Variants in TCEA2 observed in about 807,000 individuals in gnomAD.
The protein encoded by TCEA2 is transcription elongation factor A protein 2.
Under a neutral mutation model 40.8 loss-of-function variants are expected in TCEA2, and 21 were observed. The observed-to-expected ratio is 0.51, with a 90% CI of 0.36 to 0.74. TCEA2 has a LOEUF of 0.74. Ranked by LOEUF, TCEA2 falls within the 30% of genes least tolerant of loss-of-function variation. The pLI is 0.00. For synonymous variants in TCEA2, 165 were observed against 162.7 expected, an observed-to-expected ratio of 1.01 and a Z score of -0.11; for missense variants, 326 against 426.5, an observed-to-expected ratio of 0.76 and a Z score of 2.08.
chr20:64,066,334 T>G (rs2059693018), intron 1 of TCEA2, 142 bp from the exon 2 acceptor site: 8 of 938,576 alleles, frequency 8.5e-6, no homozygotes, highest in East Asian at 2.5e-5. Flanking sequence ...TGTCTCCAGG[T>G]AGAGGAATTT....
upstream of TCEA2, among the ~76,000 whole-genome samples, chr20:64,061,841 G>A (rs889514854): frequency 6.6e-6 from 1 of 151,988 alleles, no homozygotes; most frequent in Non-Finnish European, 1.5e-5. Context: ...CAATTCTCCT[G>A]CCTTAGCCTC....
intron 1 of TCEA2, among the ~76,000 whole-genome samples, chr20:64,064,644 G>A (rs1423606585): frequency 6.6e-6 from 1 of 152,220 alleles, no homozygotes; most frequent in Non-Finnish European, 1.5e-5. Flanking sequence ...TGTGACTGCA[G>A]TGGGGGTTTG....
Position 64,070,240 on chromosome 20 carries a change from G to C in TCEA2, c.518-20G>C. ...AGGGCAGCGACGTTGTCCTCAGGTG[G>C]GTCCTTAAAACACTTGCACGCATCT... is the stretch of plus-strand genomic sequence containing the variant. On this transcript the variant is annotated intron_variant, in intron 6 of 9. Transcript: ENST00000343484. 1.9e-6 allele frequency: 3 copies of C among 1,613,242 alleles called. No homozygotes were observed. The highest frequency in any genetic ancestry group is 2.5e-6 in the Non-Finnish European group (3 of 1,179,436).
intron 5 of TCEA2, 73 bp from the exon 6 acceptor site, chr20:64,069,692 G>T: frequency 6.4e-7 from 1 of 1,565,358 alleles, no homozygotes; most frequent in Non-Finnish European, 8.7e-7. Flanking sequence ...AAGCTGCCAG[G>T]GTGTTTTGCA....
chr20:64,069,446 C>T lies in TCEA2; in HGVS notation c.415C>T (p.Arg139Cys), dbSNP rs1170302218. The T allele has an allele frequency of 5.6e-6, 9 of 1,613,442 alleles. No individual in the cohort carries two copies. The highest frequency in any genetic ancestry group is 1.3e-5 in the African/African-American group (1 of 75,058). Reference sequence around the variant, plus strand: ...GGTGCCTGTCACCTGTGATGCCGTGCGCAACAAGTGCCGCGAGATGCTGAC... The same window carrying T: ...GGTGCCTGTCACCTGTGATGCCGTGTGCAACAAGTGCCGCGAGATGCTGAC... ...PPVPVTCDAV[R>C]NKCREMLTAA... The change falls in exon 5 of 10, where the codon CGC (arginine) becomes TGC (cysteine). Residue 139 changes from arginine to cysteine, a missense_variant. By Grantham distance (180) the Arg-to-Cys change is radical (BLOSUM62 -3). Transcript: ENST00000343484.
intron 3 of TCEA2, 43 bp from the exon 4 acceptor site, chr20:64,068,004 C>T (rs1372363461): frequency 2.0e-6 from 3 of 1,509,422 alleles, no homozygotes; most frequent in Non-Finnish European, 2.7e-6. Context: ...CCCCTCCCTC[C>T]TCTGCCTCCC....
In TCEA2 at chr20:64,066,479, G is replaced by A. The variant is rs865820316; in HGVS notation, c.76G>A (p.Gly26Arg). 6.2e-7 allele frequency: 1 copy of A among 1,613,852 alleles called. No individual in the cohort carries two copies. The highest frequency in any genetic ancestry group is 8.5e-7 in the Non-Finnish European group (1 of 1,179,840). ...DKMVTKKSAE[G>R]AMDLLRELKA... ...AAGGTCCTCCTTCTCCTTCCAGGAG[G>A]GAGCCATGGATTTGCTGCGGGAGCT... Residue 26 changes from glycine to arginine, a missense_variant, in exon 2 of 10, where the codon GGA (glycine) becomes AGA (arginine). Coordinates refer to ENST00000343484, the MANE Select transcript of TCEA2 (RefSeq NM_003195.6).
intron 3 of TCEA2, among the ~76,000 whole-genome samples, chr20:64,067,263 G>A (rs1166104291): frequency 6.6e-6 from 1 of 152,248 alleles, no homozygotes; most frequent in East Asian, 1.9e-4. Flanking sequence ...TGGGGGCAGG[G>A]TTCCAGGTAG....
chr20:64,056,406 G>A (rs2059473797), upstream of TCEA2, among the ~76,000 whole-genome samples: 2 of 152,200 alleles, frequency 1.3e-5, no homozygotes, highest in African/African-American at 2.4e-5. Context: ...GGAGGCCTGG[G>A]TGGGGTCCAC....
At chr20:64,059,857 G>T (rs865868320), upstream of TCEA2, among the ~76,000 whole-genome samples, 7 of 152,262 alleles carry the variant, frequency 4.6e-5, no homozygotes, top group Middle Eastern at 6.8e-3. Context: ...TCTCTAGTCT[G>T]GTTTTCCGGG....
intron 6 of TCEA2, 151 bp downstream of exon 6, chr20:64,069,972 C>T (rs760916327): frequency 9.6e-7 from 1 of 1,042,358 alleles, no homozygotes; most frequent in Admixed American, 2.0e-5. Context: ...GTCAGGCTGT[C>T]TCACCTCAGG....
intron 1 of TCEA2, chr20:64,064,297 T>A (rs570251749): frequency 6.6e-6 from 1 of 152,426 alleles, no homozygotes; most frequent in African/African-American, 2.4e-5. Context: ...TCTGTTGTCT[T>A]GCGGCCACAG....
rs1028218756 is a variant in TCEA2 at position 64,063,289 on chromosome 20, G to A, written c.-24G>A. ...GGCTGCGGAGGCGGGCGCGACGGGC[G>A]CGGGGGTCGCTGCTCCTGAGGCGAT... On this transcript the variant is annotated 5_prime_UTR_variant, in exon 1 of 10. Transcript: ENST00000343484. 19 of 1,516,420 alleles carry A rather than the reference G, an allele frequency of 1.3e-5. No individual in the cohort carries two copies. The highest frequency in any genetic ancestry group is 1.6e-5 in the Non-Finnish European group (18 of 1,134,620). The allele number at this position is 1,516,420 out of a possible 1,614,324, so 93.9% of individuals were successfully genotyped here. A position where few individuals can be genotyped will look rare whatever the true frequency, so the allele number is the denominator to read the frequency against.
Position 64,066,823 on chromosome 20 carries a change from C to G in TCEA2, c.136-92C>G, listed in dbSNP as rs111306734. ...TACCTCCCTGGGAGGTCCCGGGCTC[C>G]TGTCCTGTGGGGGCCACCAAGGCTC... On this transcript the variant is annotated intron_variant, in intron 2 of 9. Transcript: ENST00000343484. The G allele has an allele frequency of 1.6e-5, 21 of 1,317,856 alleles. No individual in the cohort carries two copies. In the African/African-American group the frequency reaches 1.9e-4, roughly 12 times the overall value. 81.6% of individuals were successfully genotyped at this position (1,317,856 alleles called of 1,614,324 possible). A position where few individuals can be genotyped will look rare whatever the true frequency, so the allele number is the denominator to read the frequency against.
chr20:64,066,572 T>A (rs2059699241), intron 2 of TCEA2, 34 bp downstream of exon 2: 1 of 1,606,254 alleles, frequency 6.2e-7, no homozygotes, highest in African/African-American at 1.3e-5. Context: ...CCAGGACAGC[T>A]CCTGGGTGCA....
chr20:64,065,114 G>A (rs954668242), intron 1 of TCEA2, among the ~76,000 whole-genome samples: 3 of 152,146 alleles, frequency 2.0e-5, no homozygotes, highest in African/African-American at 7.2e-5. Context: ...AGGTCCCCTC[G>A]GGGACCTGGG....
In TCEA2 at chr20:64,068,144, C is replaced by T; in HGVS notation, c.329+10C>T. On this transcript the variant is annotated intron_variant, in intron 4 of 9. Transcript: ENST00000343484. ...AGGCCCCGGATCCCAGGTAGCACAC[C>T]TGGAAGGCAGGTGCACACACTTCTG... 1 of 1,604,820 alleles carries T rather than the reference C, an allele frequency of 6.2e-7. No homozygotes were observed.
rs1601579662 is a variant in TCEA2, at chr20:64,063,281, C to T, written c.-32C>T. The T allele has an allele frequency of 5.3e-6, 8 of 1,510,356 alleles. No homozygotes were observed. Among genetic ancestry groups the T allele is most frequent in the Non-Finnish European group, 7.1e-6 (8 of 1,132,094 alleles). The allele number at this position is 1,510,356 out of a possible 1,614,324, so 93.6% of individuals were successfully genotyped here. A position where few individuals can be genotyped will look rare whatever the true frequency, so the allele number is the denominator to read the frequency against. Reference sequence around the variant, plus strand: ...TCCTGCCCGGCTGCGGAGGCGGGCGCGACGGGCGCGGGGGTCGCTGCTCCT... The same window carrying T: ...TCCTGCCCGGCTGCGGAGGCGGGCGTGACGGGCGCGGGGGTCGCTGCTCCT... On this transcript the variant is annotated 5_prime_UTR_variant, in exon 1 of 10. Coordinates refer to ENST00000343484, the MANE Select transcript of TCEA2 (RefSeq NM_003195.6).
intron 5 of TCEA2, 34 bp downstream of exon 5, chr20:64,069,525 C>T (rs2059776573): frequency 3.1e-6 from 5 of 1,605,362 alleles, no homozygotes; most frequent in South Asian, 1.1e-5. Flanking sequence ...CTGACACCCG[C>T]TGTGGTTCAC....
Sources: gnomAD v4.1 joint callset for allele counts (sites outside exome capture counted in the v4.1 genomes callset) on GRCh38, gnomAD v4.1.1 for gene constraint, MANE v1.5 for transcripts, NCBI Gene and HGNC (gene_info 2026-07-23, HGNC 2026-07-21) for gene names.